FOXO3B: variants seen among roughly 807,000 people sequenced by gnomAD.
FOXO3B encodes forkhead box protein O3B.
FOXO3B carries 15 observed loss-of-function variants against 21.9 expected under a neutral mutation model. The ratio of observed to expected loss-of-function variants is 0.68; its 90% CI spans 0.46 to 1.05. FOXO3B has a LOEUF of 1.05. FOXO3B is among the 50% of genes least tolerant of loss of function. FOXO3B has a pLI of 0.00. For missense variants in FOXO3B, 293 were observed against 435.5 expected (o/e 0.67, Z 2.91); for synonymous variants, 135 against 213.6 (o/e 0.63, Z 3.21).
chr17:18,679,408 G>C (rs7212949), intron 3 of FOXO3B, among the ~76,000 whole-genome samples: 20,266 of 142,352 alleles, frequency 0.14, 1,774 homozygotes, highest in African/African-American at 0.24. Context: ...TCTGGGTTGT[G>C]GTATGCCACA....
At chr17:18,679,785 T>C (rs2032552271) in intron 3 of FOXO3B, among the ~76,000 whole-genome samples, 1 of 151,590 alleles carries the variant, frequency 6.6e-6, no homozygotes, top group Non-Finnish European at 1.5e-5. Context: ...CATACAAAAG[T>C]TGAAAGATGA....
intron 3 of FOXO3B, 106 bp from the exon 4 acceptor site, chr17:18,673,161 C>T (rs1251041010): frequency 3.8e-6 from 5 of 1,306,882 alleles, no homozygotes; most frequent in Non-Finnish European, 4.9e-6. Flanking sequence ...TCTTGCCGCG[C>T]CCGCCTCCCA....
In FOXO3B at chr17:18,672,166, A is replaced by G. The variant is rs1474028998; in HGVS notation, c.*143T>C. 1 of 1,612,820 alleles carries G rather than the reference A, an allele frequency of 6.2e-7. No individual in the cohort carries two copies. Among genetic ancestry groups the G allele is most frequent in the South Asian group, 1.1e-5 (1 of 91,000 alleles). On this transcript the variant is annotated 3_prime_UTR_variant, in exon 4 of 4. Transcript: ENST00000395675. The surrounding 1 kb of genome is among the most constrained non-coding windows in gnomAD (Gnocchi z 4.2). ...CTTGGTATACTTGTTGCTATTGTCC[A>G]TGGAGACAGCCCGCCGCCGGGGGGC... is the stretch of plus-strand genomic sequence containing the variant.
intron 2 of FOXO3B, among the ~76,000 whole-genome samples, 166 bp from the exon 3 acceptor site, chr17:18,680,995 C>T (rs1286565663): frequency 4.6e-4 from 70 of 151,450 alleles, no homozygotes; most frequent in Non-Finnish European, 5.3e-4. Flanking sequence ...CCGGGATATG[C>T]GGGAATATTG....
At chr17:18,674,279 T>G (rs2649417) in intron 3 of FOXO3B, among the ~76,000 whole-genome samples, 5 of 151,148 alleles carry the variant, frequency 3.3e-5, no homozygotes, top group African/African-American at 1.2e-4. Flanking sequence ...CACATTTTCT[T>G]TGGGCCACAC....
rs1224562140 is a variant in FOXO3B at position 18,672,945 on chromosome 17, C to T, written c.237G>A (p.Ala79=). ...AREESARTPA[A]AGRAAKMAEA... ...CTGCCATCTTCGCCGCCCGCCCGGC[C>T]GCGGCTGGGGTTCTCGCGCTCTCCT... Residue 79 remains alanine, a synonymous_variant, in exon 4 of 4, where the codon GCG becomes GCA. Transcript: ENST00000395675. The surrounding 1 kb of genome is among the most constrained non-coding windows in gnomAD (Gnocchi z 4.2). 4.6e-6 allele frequency: 7 copies of T among 1,526,420 alleles called. No individual in the cohort carries two copies. Among genetic ancestry groups the T allele is most frequent in the South Asian group, 1.2e-5 (1 of 82,708 alleles). 94.6% of individuals were successfully genotyped at this position (1,526,420 alleles called of 1,614,324 possible).
Position 18,669,632 on chromosome 17 carries a change from A to C in FOXO3B, c.*2677T>G, listed in dbSNP as rs1406174077. ...GAAAACACAACAAAATGAAATCCAC[A>C]GAAGCAGAAAAAAAAGTTAAAACTG... On this transcript the variant is annotated 3_prime_UTR_variant, in exon 4 of 4. Coordinates refer to ENST00000395675, the MANE Select transcript of FOXO3B (RefSeq NM_001368135.1). Among the ~76,000 whole-genome samples, 1 of 152,218 alleles carries C rather than the reference A, an allele frequency of 6.6e-6. No homozygotes were observed. Among genetic ancestry groups the C allele is most frequent in the East Asian group, 1.9e-4 (1 of 5,192 alleles).
intron 3 of FOXO3B, among the ~76,000 whole-genome samples, chr17:18,674,664 T>C (rs1411616181): frequency 7.0e-6 from 1 of 143,512 alleles, no homozygotes; most frequent in Non-Finnish European, 1.5e-5. Context: ...TACAGACAAA[T>C]GCAAATTTAG....
chr17:18,677,523 G>A, intron 3 of FOXO3B: 1 of 1,612,982 alleles, frequency 6.2e-7, no homozygotes, highest in Non-Finnish European at 8.5e-7. Context: ...CGAGGAGTAT[G>A]CGGCTCGGGC....
At position 18,668,121 on chromosome 17, in the gene FOXO3B, T is replaced by C. The variant is rs1597493517; in HGVS notation, c.*4188A>G. 1 of 152,588 alleles carries C rather than the reference T, an allele frequency of 6.6e-6. No individual in the cohort carries two copies. The highest frequency in any genetic ancestry group is 1.9e-4 in the East Asian group (1 of 5,188). 9.5% of individuals were successfully genotyped at this position (152,588 alleles called of 1,614,324 possible). A position where few individuals can be genotyped will look rare whatever the true frequency, so the allele number is the denominator to read the frequency against. On this transcript the variant is annotated 3_prime_UTR_variant, in exon 4 of 4. Coordinates refer to ENST00000395675, the MANE Select transcript of FOXO3B (RefSeq NM_001368135.1). ...TCTGGGGCCCTGGCCTCTCTGCAGG[T>C]GGCTGAGGGTGAGGGTGCCGGGACC...
chr17:18,677,185 A>C, intron 3 of FOXO3B: 1 of 1,261,542 alleles, frequency 7.9e-7, no homozygotes, highest in Non-Finnish European at 1.1e-6. Flanking sequence ...TGACTCTAGA[A>C]ACCTCTTTGG....
intron 2 of FOXO3B, among the ~76,000 whole-genome samples, 167 bp from the exon 3 acceptor site, chr17:18,680,996 G>A (rs1383589239): frequency 1.3e-5 from 2 of 151,852 alleles, no homozygotes; most frequent in African/African-American, 2.4e-5. Context: ...CGGGATATGC[G>A]GGAATATTGC....
chr17:18,677,413 G>A (rs1226890564), intron 3 of FOXO3B: 7 of 1,614,024 alleles, frequency 4.3e-6, no homozygotes, highest in Non-Finnish European at 5.9e-6. Flanking sequence ...GCTGAGCTGG[G>A]CATCCGACAC....
At chr17:18,678,810 G>A (rs1201626466) in intron 3 of FOXO3B, among the ~76,000 whole-genome samples, 1 of 152,136 alleles carries the variant, frequency 6.6e-6, no homozygotes, top group Non-Finnish European at 1.5e-5. Flanking sequence ...TAGTACTGAC[G>A]CCATCTCTGA....
intron 2 of FOXO3B, 89 bp from the exon 3 acceptor site, chr17:18,680,918 T>C (rs1380404863): frequency 7.4e-7 from 1 of 1,342,794 alleles, no homozygotes; most frequent in African/African-American, 1.5e-5. Flanking sequence ...ATACTATATG[T>C]GCTGCCTACA....
Position 18,673,010 on chromosome 17 carries a change from C to A in FOXO3B, c.172G>T (p.Val58Phe), listed in dbSNP as rs1251759101. The A allele has an allele frequency of 3.3e-5, 48 of 1,465,234 alleles. No individual in the cohort carries two copies. The highest frequency in any genetic ancestry group is 4.3e-5 in the Non-Finnish European group (48 of 1,115,492). 90.8% of individuals were successfully genotyped at this position (1,465,234 alleles called of 1,614,324 possible). ...GGGTGCAGCGGGGGAGGGACGTGGA[C>A]GCCGCGAAGGCTCCGGCTCCCGGGC... ...AAPGSRSLRG[V>F]HVPPPLHPAP... The change falls in exon 4 of 4, where the codon GTC (valine) becomes TTC (phenylalanine). Residue 58 changes from valine (V) to phenylalanine (F), a missense_variant. Around this residue, in one of 2 missense-constraint regions of FOXO3B, gnomAD observed 251 missense variants for 404.0 expected, o/e 0.62. Transcript: ENST00000395675.
intron 3 of FOXO3B, among the ~76,000 whole-genome samples, chr17:18,675,924 T>C (rs1396558880): frequency 6.6e-6 from 1 of 152,200 alleles, no homozygotes; most frequent in Non-Finnish European, 1.5e-5. Flanking sequence ...AAATTTGTTA[T>C]TAAAAATGTT....
At chr17:18,678,842 C>T (rs1018764961) in intron 3 of FOXO3B, among the ~76,000 whole-genome samples, 3 of 152,158 alleles carry the variant, frequency 2.0e-5, no homozygotes, top group Admixed American at 6.5e-5. Flanking sequence ...GATGTTTGTG[C>T]GTGCACGTGA....
At chr17:18,676,568 T>G (rs1431380992) in intron 3 of FOXO3B, among the ~76,000 whole-genome samples, 1 of 152,216 alleles carries the variant, frequency 6.6e-6, no homozygotes, top group Non-Finnish European at 1.5e-5. Context: ...ACATACAGAT[T>G]GTTTTACATA....
Sources: gnomAD v4.1 joint callset for allele counts (sites outside exome capture counted in the v4.1 genomes callset) on GRCh38, gnomAD v4.1.1 for gene constraint, gnomAD v4.1.1 regional missense constraint, Gnocchi (gnomAD v3.1) non-coding constraint, MANE v1.5 for transcripts, NCBI Gene and HGNC (gene_info 2026-07-23, HGNC 2026-07-21) for gene names.